TPST1: variants seen among roughly 807,000 people sequenced by gnomAD.
TPST1 encodes protein-tyrosine sulfotransferase 1.
A neutral mutation model predicts 34.8 loss-of-function variants in TPST1; 20 were observed. That is an observed-to-expected ratio of 0.57 (90% CI 0.40 to 0.84). The LOEUF is 0.84. Ranked by LOEUF, TPST1 falls within the 40% of genes least tolerant of loss-of-function variation. The probability of loss-of-function intolerance (pLI) is 0.00; values close to 1 mark genes in which losing one functional copy is unlikely to be tolerated. For synonymous variants in TPST1, 152 were observed against 159.4 expected, an observed-to-expected ratio of 0.95 and a Z score of 0.35; for missense variants, 353 against 455.5, an observed-to-expected ratio of 0.78 and a Z score of 2.05.
At chr7:66,319,232 T>G (rs1791699506) in intron 3 of TPST1, among the ~76,000 whole-genome samples, 1 of 152,224 alleles carries the variant, frequency 6.6e-6, no homozygotes, top group Admixed American at 6.5e-5. Context: ...GTCCTCCAGA[T>G]AGTTTAACAA....
chr7:66,316,659 G>A (rs9969300), intron 3 of TPST1, among the ~76,000 whole-genome samples: 64,423 of 151,848 alleles, frequency 0.42, 14,256 homozygotes, highest in Non-Finnish European at 0.49. Context: ...ACATTTTATT[G>A]TAACATACGG....
At chr7:66,232,080 A>G (rs923751053) in intron 1 of TPST1, among the ~76,000 whole-genome samples, 3 of 152,354 alleles carry the variant, frequency 2.0e-5, no homozygotes, top group Non-Finnish European at 4.4e-5. Context: ...GCTATGAATA[A>G]CAATGCTGTG....
intron 2 of TPST1, among the ~76,000 whole-genome samples, chr7:66,281,894 C>T (rs911466841): frequency 1.3e-5 from 2 of 152,190 alleles, no homozygotes; most frequent in Non-Finnish European, 2.9e-5. Flanking sequence ...CTCAGTCATT[C>T]AAGACTTTGG....
intron 1 of TPST1, among the ~76,000 whole-genome samples, chr7:66,235,355 T>G (rs1381596603): frequency 2.6e-5 from 4 of 152,176 alleles, no homozygotes; most frequent in Non-Finnish European, 5.9e-5. Context: ...ACTTTTTTCT[T>G]TGCAGTTTTT....
At position 66,276,378 on chromosome 7, in the gene TPST1, A is replaced by ATATATATATATATATATATATATATATG. The variant is rs1244773173; in HGVS notation, c.846-10130_846-10129insATATATATATATATATATATATATGTAT. Among the ~76,000 whole-genome samples the ATATATATATATATATATATATATATATG allele has an allele frequency of 6.5e-5, 9 of 138,842 alleles. No homozygotes were observed. The South Asian group carries it at 1.3e-3, about 21-fold the overall frequency. The allele number at this position is 138,842 out of a possible 152,430, so 91.1% of individuals were successfully genotyped here. On this transcript the variant is annotated intron_variant, in intron 2 of 5. Transcript: ENST00000304842. ...TTAAAAACATTTCATATATATATATATATGTATTTTTTTGAGGCAGAGCCT... is the reference window on the plus strand; with the variant it reads ...TTAAAAACATTTCATATATATATATATATATATATATATATATATATATATATGTATGTATTTTTTTGAGGCAGAGCCT...
At chr7:66,235,178 G>C (rs903702386) in intron 1 of TPST1, among the ~76,000 whole-genome samples, 7 of 146,710 alleles carry the variant, frequency 4.8e-5, no homozygotes, top group Non-Finnish European at 8.9e-5. Flanking sequence ...GCAATGTTCT[G>C]CATAGATTTT....
chr7:66,308,721 G>A (rs971576644), intron 3 of TPST1, among the ~76,000 whole-genome samples: 1 of 152,150 alleles, frequency 6.6e-6, no homozygotes, highest in African/African-American at 2.4e-5. Context: ...CTAGCCTGCA[G>A]CGAACAAGCA....
Position 66,241,049 on chromosome 7 carries a change from T to C in TPST1, c.624T>C (p.Tyr208=), listed in dbSNP as rs1223358808. 2 of 1,614,108 alleles carry C rather than the reference T, an allele frequency of 1.2e-6. No homozygotes were observed. Among genetic ancestry groups the C allele is most frequent in the South Asian group, 2.2e-5 (2 of 91,088 alleles). Reference sequence around the variant, plus strand: ...TAGCTGGATTTGATCTGAACAGCTATAGGGACTGTTTGACAAAGTGGAATC... The same window carrying C: ...TAGCTGGATTTGATCTGAACAGCTACAGGGACTGTTTGACAAAGTGGAATC... ...VTIAGFDLNS[Y]RDCLTKWNRA... Residue 208 remains tyrosine, a synonymous_variant, in exon 2 of 6, where the codon TAT becomes TAC. Transcript: ENST00000304842.
chr7:66,254,597 T>C (rs1276571396), intron 2 of TPST1, among the ~76,000 whole-genome samples: 2 of 151,712 alleles, frequency 1.3e-5, no homozygotes. Context: ...AGAGACAGGG[T>C]TTTGCCATGT....
chr7:66,324,800 CAAAAAAAAAAAAAAAAAAAAA>C (rs56389964), intron 3 of TPST1, among the ~76,000 whole-genome samples: 1 of 109,248 alleles, frequency 9.2e-6, no homozygotes, highest in African/African-American at 3.4e-5. Context: ...GACTCTGTCT[CAAAAAAAAAAAAAAAAAAAAA>C]AAAAAAAAAC....
intron 1 of TPST1, among the ~76,000 whole-genome samples, chr7:66,226,116 T>G (rs1229149217): frequency 6.6e-6 from 1 of 152,070 alleles, no homozygotes; most frequent in Non-Finnish European, 1.5e-5. Flanking sequence ...CTCGATCTCC[T>G]GACCTCGTGA....
upstream of TPST1, among the ~76,000 whole-genome samples, chr7:66,203,236 T>A (rs934586636): frequency 2.6e-5 from 4 of 151,580 alleles, no homozygotes; most frequent in East Asian, 1.9e-4. Context: ...TATATATAAT[T>A]ATTATTTTTT....
intron 3 of TPST1, among the ~76,000 whole-genome samples, chr7:66,345,098 G>A (rs1792317833): frequency 6.6e-6 from 1 of 152,040 alleles, no homozygotes; most frequent in African/African-American, 2.4e-5. Flanking sequence ...GAGGAAAAGA[G>A]AGAAAGGAAT....
At chr7:66,306,109 G>C (rs1328433560) in intron 3 of TPST1, among the ~76,000 whole-genome samples, 1 of 152,146 alleles carries the variant, frequency 6.6e-6, no homozygotes, top group African/African-American at 2.4e-5. Context: ...TATTATATAA[G>C]ATTACAGCAC....
chr7:66,262,390 G>C (rs1369772393), intron 2 of TPST1, among the ~76,000 whole-genome samples: 2 of 152,140 alleles, frequency 1.3e-5, no homozygotes, highest in Admixed American at 1.3e-4. Context: ...CCTTGTGGGA[G>C]CCAGAGAACT....
intron 3 of TPST1, among the ~76,000 whole-genome samples, chr7:66,343,169 A>G (rs930547096): frequency 2.6e-5 from 4 of 152,176 alleles, no homozygotes; most frequent in East Asian, 1.9e-4. Flanking sequence ...AAATGAACTA[A>G]TTTTCAGACC....
chr7:66,313,056 G>GAA (rs57209573), intron 3 of TPST1, among the ~76,000 whole-genome samples: 27 of 145,530 alleles, frequency 1.9e-4, no homozygotes, highest in East Asian at 1.2e-3. Context: ...TAAGGATCCT[G>GAA]AAAAAAAAAA....
intron 1 of TPST1, among the ~76,000 whole-genome samples, chr7:66,216,974 C>G (rs929384089): frequency 1.3e-5 from 2 of 152,112 alleles, no homozygotes; most frequent in African/African-American, 4.8e-5. Flanking sequence ...GGTGGTATTT[C>G]ATTTCCACAT....
intron 3 of TPST1, among the ~76,000 whole-genome samples, chr7:66,320,702 G>A (rs1238035440): frequency 6.7e-6 from 1 of 148,738 alleles, no homozygotes; most frequent in African/African-American, 2.5e-5. Flanking sequence ...AGGTTCAAGC[G>A]ATTCTCCTGC....
Sources: allele counts gnomAD v4.1 joint callset (sites outside exome capture counted in the v4.1 genomes callset), GRCh38; gene constraint gnomAD v4.1.1; transcripts MANE v1.5; gene names NCBI Gene and HGNC (gene_info 2026-07-23, HGNC 2026-07-21).